SVEP1: variants seen among roughly 807,000 people sequenced by gnomAD.
SVEP1 encodes the protein sushi, von Willebrand factor type A, EGF and pentraxin domain-containing protein 1.
A neutral mutation model predicts 367.3 loss-of-function variants in SVEP1; 164 were observed. The observed-to-expected ratio is 0.45, with a 90% CI of 0.39 to 0.51. The LOEUF is 0.51. Ranked by LOEUF, SVEP1 falls within the 20% of genes least tolerant of loss-of-function variation. The pLI is 0.00. For missense variants in SVEP1, 4,117 were observed against 4,425.3 expected, an observed-to-expected ratio of 0.93 and a Z score of 1.98; for synonymous variants, 1,666 against 1,611.6, an observed-to-expected ratio of 1.03 and a Z score of -0.81.
intron 3 of SVEP1, among the ~76,000 whole-genome samples, chr9:110,536,345 A>G (rs1830079367): frequency 6.6e-6 from 1 of 152,016 alleles, no homozygotes; most frequent in South Asian, 2.1e-4. Flanking sequence ...GTTGAATGAC[A>G]TTAGAAAAAC....
intron 27 of SVEP1, among the ~76,000 whole-genome samples, chr9:110,441,187 T>A (rs1828505018): frequency 6.6e-6 from 1 of 152,164 alleles, no homozygotes; most frequent in African/African-American, 2.4e-5. Context: ...AGACCACGTT[T>A]TAAATTTATC....
intron 20 of SVEP1, 86 bp from the exon 21 acceptor site, chr9:110,457,438 T>C (rs1291549750): frequency 3.8e-6 from 4 of 1,044,186 alleles, no homozygotes; most frequent in Non-Finnish European, 5.7e-6. Flanking sequence ...TTTGCAACAT[T>C]AGACAGCTCG....
In SVEP1 at chr9:110,550,044, A is replaced by G. The variant is rs1199280460; in HGVS notation, c.592T>C (p.Tyr198His). Residue 198 changes from tyrosine to histidine, a missense_variant, in exon 2 of 48, where the codon TAT (tyrosine) becomes CAT (histidine). Physicochemically the swap from Tyr to His is moderately conservative, Grantham distance 83. This residue lies in a region of SVEP1 where 2,174 missense variants were observed against 2,494.3 expected (regional missense o/e 0.87). Transcript: ENST00000374469. ...TKVVFLITDG[Y>H]SNGGDPRPIA... Reference sequence around the variant, plus strand: ...GGTCTAGGGTCTCCCCCATTGGAATATCCATCAGTGATGAGAAATACAACT... The same window carrying G: ...GGTCTAGGGTCTCCCCCATTGGAATGTCCATCAGTGATGAGAAATACAACT... 2 of 1,613,944 alleles carry G rather than the reference A, an allele frequency of 1.2e-6. No homozygotes were observed. Among genetic ancestry groups the G allele is most frequent in the Admixed American group, 1.7e-5 (1 of 60,010 alleles).
intron 27 of SVEP1, among the ~76,000 whole-genome samples, chr9:110,440,188 C>T (rs1200415730): frequency 6.6e-6 from 1 of 152,216 alleles, no homozygotes; most frequent in Admixed American, 6.5e-5. Flanking sequence ...TCTTGGGGAA[C>T]ATAAACAGGC....
chr9:110,396,619 G>A (rs1478095170), intron 40 of SVEP1, among the ~76,000 whole-genome samples: 3 of 117,346 alleles, frequency 2.6e-5, no homozygotes, highest in African/African-American at 6.7e-5. Flanking sequence ...AATAAGAAAA[G>A]AGAGAAGAAT....
Position 110,394,686 on chromosome 9 carries a change from C to T in SVEP1, c.9823-5099G>A, listed in dbSNP as rs144639631. On this transcript the variant is annotated intron_variant, in intron 40 of 47. Transcript: ENST00000374469. ...CCTGATGGAGCTGAAAACCAAGGCA[C>T]GAGAACTACGTGACCAGTGCAGAAG... Among the ~76,000 whole-genome samples, 7 of 152,230 alleles carry T rather than the reference C, an allele frequency of 4.6e-5. 1 individual carries two copies. The South Asian group carries it at 6.2e-4, about 14-fold the overall frequency.
In SVEP1 at chr9:110,432,586, G is replaced by T. The variant is rs373859051; in HGVS notation, c.5109C>A (p.Ala1703=). 9 of 1,613,668 alleles carry T rather than the reference G, an allele frequency of 5.6e-6. No individual in the cohort carries two copies. The African/African-American group carries it at 8.0e-5, about 14-fold the overall frequency. Reference sequence around the variant, plus strand: ...CTGTGCTGCCAGCATAGAAGTCATCGGCTGAATGGAAGCCATTCTCCAAAG... The same window carrying T: ...CTGTGCTGCCAGCATAGAAGTCATCTGCTGAATGGAAGCCATTCTCCAAAG... ...PPPLENGFHS[A]DDFYAGSTVT... is the part of the protein sequence containing the mutation. The change falls in exon 31 of 48, where the codon GCC becomes GCA. Residue 1703 remains alanine, a synonymous_variant. Coordinates refer to ENST00000374469, the MANE Select transcript of SVEP1 (RefSeq NM_153366.4).
chr9:110,468,020 G>GCTTC (rs10668969), intron 17 of SVEP1, among the ~76,000 whole-genome samples: 129,067 of 151,076 alleles, frequency 0.85, 55,234 homozygotes, highest in East Asian at 0.99. Flanking sequence ...ATGATTGGAA[G>GCTTC]CTAAGGCCAC....
At chr9:110,557,348 C>T (rs537227485) in intron 1 of SVEP1, among the ~76,000 whole-genome samples, 1 of 152,136 alleles carries the variant, frequency 6.6e-6, no homozygotes, top group African/African-American at 2.4e-5. Flanking sequence ...TTATACAGTT[C>T]TCACTTTATT....
chr9:110,511,488 CTTTTTTTTTTTTTTT>C (rs199993986), intron 5 of SVEP1, among the ~76,000 whole-genome samples: 209 of 77,534 alleles, frequency 2.7e-3, no homozygotes, highest in African/African-American at 8.1e-3. Context: ...GTGTCAGTAC[CTTTTTTTTTTTTTTT>C]TTTTTTTTTT....
At chr9:110,540,032 G>A (rs940175524) in intron 3 of SVEP1, among the ~76,000 whole-genome samples, 4 of 151,982 alleles carry the variant, frequency 2.6e-5, no homozygotes, top group Admixed American at 1.3e-4. Flanking sequence ...GCTCCAGAGA[G>A]TTATTGTAAA....
intron 1 of SVEP1, among the ~76,000 whole-genome samples, chr9:110,562,624 A>G (rs538577463): frequency 2.0e-5 from 3 of 152,328 alleles, no homozygotes; most frequent in Admixed American, 2.0e-4. Context: ...CCAATGACCA[A>G]AATCATGCCT....
Position 110,406,436 on chromosome 9 carries a change from C to T in SVEP1, c.9164G>A (p.Gly3055Glu), listed in dbSNP as rs1384193142. The T allele has an allele frequency of 6.2e-7, 1 of 1,614,020 alleles. No individual in the cohort carries two copies. Among genetic ancestry groups the T allele is most frequent in the Non-Finnish European group, 8.5e-7 (1 of 1,179,898 alleles). Residue 3055 changes from glycine to glutamate, a missense_variant, in exon 38 of 48, where the codon GGG becomes GAG. Gly to Glu is a moderately conservative substitution (Grantham distance 98). Transcript: ENST00000374469. ...TCEADGQWSSGFPHCEHTSCG... is the reference protein window; with the variant it reads ...TCEADGQWSSEFPHCEHTSCG... ...AGAAGTGTGTTCACAGTGGGGGAAC[C>T]CAGAGCTCCACTGGCCATCGGCTTC...
Position 110,459,025 on chromosome 9 carries a change from C to T in SVEP1, c.3411G>A (p.Lys1137=), listed in dbSNP as rs770776076. ...AAAAGGGACAGGCCAGGCAGAAGGC[C>T]TTCCCTGCATTAGGTTGGTAATAGT... ...PRDYYQPNAG[K]AFCLACPFYG... Residue 1137 remains lysine (K), a synonymous_variant, in exon 19 of 48, where the codon AAG becomes AAA. Coordinates refer to ENST00000374469, the MANE Select transcript of SVEP1 (RefSeq NM_153366.4). The T allele has an allele frequency of 2.5e-6, 4 of 1,613,862 alleles. No homozygotes were observed. The East Asian group carries it at 8.9e-5, about 36-fold the overall frequency.
intron 40 of SVEP1, among the ~76,000 whole-genome samples, chr9:110,398,266 T>A (rs1444513256): frequency 6.6e-6 from 1 of 152,102 alleles, no homozygotes; most frequent in Non-Finnish European, 1.5e-5. Flanking sequence ...TAATAAGTGG[T>A]GTTGGGAAAA....
At chr9:110,551,947 TA>T (rs2118854709) in intron 1 of SVEP1, among the ~76,000 whole-genome samples, 1 of 151,724 alleles carries the variant, frequency 6.6e-6, no homozygotes, top group Non-Finnish European at 1.5e-5. Context: ...TCCATCTGGA[TA>T]TCTGGGATGG....
intron 45 of SVEP1, 29 bp from the exon 46 acceptor site, chr9:110,375,492 G>GAAAA (rs1564122192): frequency 2.8e-6 from 3 of 1,083,652 alleles, no homozygotes; most frequent in African/African-American, 3.7e-5. Flanking sequence ...AAAAAAAAAG[G>GAAAA]AGGCAGGGGG....
At chr9:110,376,940 C>T (rs1256166974) in intron 45 of SVEP1, 1 of 190,906 alleles carries the variant, frequency 5.2e-6, no homozygotes, top group African/African-American at 2.3e-5. Flanking sequence ...GCAGCAATGA[C>T]TGACATAGCA....
At chr9:110,458,213 T>G (rs1336331870) in intron 20 of SVEP1, 2 of 580,460 alleles carry the variant, frequency 3.4e-6, no homozygotes, top group Non-Finnish European at 6.2e-6. Flanking sequence ...ATCAAAAGGC[T>G]CCCCCTGGAT....
Sources: allele counts gnomAD v4.1 joint callset (sites outside exome capture counted in the v4.1 genomes callset), GRCh38; gene constraint gnomAD v4.1.1; regional missense constraint gnomAD v4.1.1; transcripts MANE v1.5; gene names NCBI Gene and HGNC (gene_info 2026-07-23, HGNC 2026-07-21).